The following SHANK2 variants were observed in gnomAD, a reference collection of about 807,000 sequenced individuals.
The protein encoded by SHANK2 is SH3 and multiple ankyrin repeat domains 2.
In SHANK2, 43 loss-of-function variants were observed where a neutral mutation model predicts 133.7. That is an observed-to-expected ratio of 0.32 (90% CI 0.25 to 0.41). The LOEUF is 0.41. SHANK2 is among the 10% of genes least tolerant of loss of function. SHANK2 has a pLI of 1.00. For synonymous variants in SHANK2, 1,017 were observed against 952.8 expected, an observed-to-expected ratio of 1.07 and a Z score of -1.24; for missense variants, 1,994 against 2,235.8, an observed-to-expected ratio of 0.89 and a Z score of 2.18.
chr11:70,754,233 G>A (rs782659495), intron 14 of SHANK2, among the ~76,000 whole-genome samples: 5 of 152,186 alleles, frequency 3.3e-5, no homozygotes, highest in Non-Finnish European at 5.9e-5. Flanking sequence ...CCAGAAAAGA[G>A]AAGTGGAGGG....
chr11:70,669,083 T>C (rs1017360730), intron 15 of SHANK2: 1 of 152,276 alleles, frequency 6.6e-6, no homozygotes, highest in South Asian at 2.1e-4. Flanking sequence ...CAGGGTCAAC[T>C]TGCACCTGTG....
rs782294929 is a variant in SHANK2, at chr11:71,094,558, C to T, written c.723G>A (p.Ala241=). 59 of 1,551,154 alleles carry T rather than the reference C, an allele frequency of 3.8e-5. No individual in the cohort carries two copies. The highest frequency in any genetic ancestry group is 1.6e-4 in the Admixed American group (8 of 50,954). Residue 241 remains alanine (A), a synonymous_variant, in exon 7 of 26, where the codon GCG becomes GCA. Coordinates refer to ENST00000601538, the MANE Select transcript of SHANK2 (RefSeq NM_012309.5). ...GMTALHKAAR[A]RNQVALKTLL... ...TTACCTTCAGGGCAACTTGGTTCCT[C>T]GCTCGGGCAGCTTTGTGTAGGGCGG... is the stretch of plus-strand genomic sequence containing the variant.
intron 11 of SHANK2, among the ~76,000 whole-genome samples, chr11:70,839,037 C>T (rs782269693): frequency 6.6e-6 from 1 of 152,198 alleles, no homozygotes; most frequent in Non-Finnish European, 1.5e-5. Flanking sequence ...ATTTGTCCCG[C>T]GTTTGCCACT....
intron 17 of SHANK2, among the ~76,000 whole-genome samples, chr11:70,615,202 C>G (rs76484166): frequency 6.6e-6 from 1 of 152,254 alleles, no homozygotes; most frequent in African/African-American, 2.4e-5. Context: ...GAAGGAGAAG[C>G]TGAACATTGC....
intron 9 of SHANK2, among the ~76,000 whole-genome samples, chr11:71,065,929 T>TGTGGGG (rs1951050007): frequency 9.3e-5 from 2 of 21,444 alleles, no homozygotes; most frequent in African/African-American, 4.5e-4. Flanking sequence ...GTGGGGAAGT[T>TGTGGGG]GGTGGGGGCG....
intron 15 of SHANK2, among the ~76,000 whole-genome samples, chr11:70,663,457 G>C (rs782371638): frequency 6.6e-6 from 1 of 152,136 alleles, no homozygotes; most frequent in Non-Finnish European, 1.5e-5. Flanking sequence ...AGAGATCGGA[G>C]GACCCAGCTA....
chr11:70,904,750 T>C (rs1950075297), intron 10 of SHANK2, among the ~76,000 whole-genome samples: 2 of 152,094 alleles, frequency 1.3e-5, no homozygotes, highest in Admixed American at 6.5e-5. Flanking sequence ...TCAAGTAATC[T>C]GCCCACGTCA....
chr11:70,549,595 G>A (rs1195922921), intron 17 of SHANK2, among the ~76,000 whole-genome samples: 3 of 152,084 alleles, frequency 2.0e-5, no homozygotes, highest in Non-Finnish European at 4.4e-5. Flanking sequence ...CCTCTCAGAA[G>A]CTGGGCTCAG....
At chr11:70,615,348 G>C (rs1471559493) in intron 17 of SHANK2, among the ~76,000 whole-genome samples, 1 of 152,148 alleles carries the variant, frequency 6.6e-6, no homozygotes, top group East Asian at 1.9e-4. Context: ...TTTGCTTTCA[G>C]TTCTTAAGAA....
intron 3 of SHANK2, among the ~76,000 whole-genome samples, chr11:71,120,517 G>GGTCA (rs1952062253): frequency 6.6e-6 from 1 of 152,126 alleles, no homozygotes; most frequent in African/African-American, 2.4e-5. Flanking sequence ...ACAGGAGGTC[G>GGTCA]GGTTCAGTGG....
intron 15 of SHANK2, among the ~76,000 whole-genome samples, chr11:70,669,992 G>C (rs1329948709): frequency 6.6e-6 from 1 of 152,246 alleles, no homozygotes; most frequent in South Asian, 2.1e-4. Flanking sequence ...CTGTGGGTGT[G>C]ATGTCTGATC....
rs564434781 is a variant in SHANK2, at chr11:71,098,259, G to C, written c.593-3571C>G. On this transcript the variant is annotated intron_variant, in intron 6 of 25. Coordinates refer to ENST00000601538, the MANE Select transcript of SHANK2 (RefSeq NM_012309.5). ...CCTGTGTGCATGTGCATGCCTGTGT[G>C]TGCACATGCTTGTGTGTGTGCATGC... Among the ~76,000 whole-genome samples, 11 of 151,994 alleles carry C rather than the reference G, an allele frequency of 7.2e-5. No individual in the cohort carries two copies. In the East Asian group the frequency reaches 2.1e-3, roughly 29 times the overall value.
intron 9 of SHANK2, among the ~76,000 whole-genome samples, chr11:71,072,009 T>A (rs1186454381): frequency 6.6e-6 from 1 of 152,096 alleles, no homozygotes; most frequent in East Asian, 1.9e-4. Context: ...TAGTGTAGCA[T>A]CCACATCTCG....
At chr11:70,537,391 TTTAAAATCCAA>T (rs1316135636) in intron 17 of SHANK2, among the ~76,000 whole-genome samples, 1 of 152,206 alleles carries the variant, frequency 6.6e-6, no homozygotes, top group Non-Finnish European at 1.5e-5. Context: ...TTTATGGTGG[TTTAAAATCCAA>T]TGACACGTGT....
At position 70,882,110 on chromosome 11, in the gene SHANK2, C is replaced by G. The variant is rs1397448861; in HGVS notation, c.1174+14391G>C. On this transcript the variant is annotated intron_variant, in intron 11 of 25. Coordinates refer to ENST00000601538, the MANE Select transcript of SHANK2 (RefSeq NM_012309.5). The surrounding 1 kb of genome is among the most constrained non-coding windows in gnomAD (Gnocchi z 4.2). Reference sequence around the variant, plus strand: ...GCCCCCAGGGGGACACACTGAGGACCAGGGTTAAAGGGTGACTCACTGGCA... The same window carrying G: ...GCCCCCAGGGGGACACACTGAGGACGAGGGTTAAAGGGTGACTCACTGGCA... Among the ~76,000 whole-genome samples, 1 of 152,130 alleles carries G rather than the reference C, an allele frequency of 6.6e-6. No individual in the cohort carries two copies. Among genetic ancestry groups the G allele is most frequent in the Non-Finnish European group, 1.5e-5 (1 of 68,032 alleles).
intron 13 of SHANK2, among the ~76,000 whole-genome samples, chr11:70,799,616 G>C (rs1198997843): frequency 4.6e-5 from 7 of 152,162 alleles, no homozygotes; most frequent in African/African-American, 1.7e-4. Flanking sequence ...TTGCTGGCAA[G>C]GACTGCAGTT....
At chr11:70,571,392 G>A (rs1162235714) in intron 17 of SHANK2, 1 of 152,228 alleles carries the variant, frequency 6.6e-6, no homozygotes, top group African/African-American at 2.4e-5. Context: ...CTAGGCCACT[G>A]GGCCCAGCCA....
At chr11:70,591,043 A>C (rs2060314090) in intron 17 of SHANK2, among the ~76,000 whole-genome samples, 1 of 152,238 alleles carries the variant, frequency 6.6e-6, no homozygotes, top group South Asian at 2.1e-4. Flanking sequence ...CAAATGGGTC[A>C]GAAAAAGGAA....
intron 17 of SHANK2, among the ~76,000 whole-genome samples, chr11:70,617,135 G>T (rs1554996226): frequency 6.6e-6 from 1 of 151,720 alleles, no homozygotes; most frequent in Non-Finnish European, 1.5e-5. Flanking sequence ...GTATGCTAAT[G>T]TATGTGTGTC....
Sources: allele counts gnomAD v4.1 joint callset (sites outside exome capture counted in the v4.1 genomes callset), GRCh38; gene constraint gnomAD v4.1.1; non-coding constraint Gnocchi (gnomAD v3.1); transcripts MANE v1.5; gene names NCBI Gene and HGNC (gene_info 2026-07-23, HGNC 2026-07-21).